Variants in SYF2 observed in about 807,000 individuals in gnomAD.
The protein encoded by SYF2 is pre-mRNA-splicing factor SYF2.
In SYF2, 21 loss-of-function variants were observed where a neutral mutation model predicts 32.7. That is an observed-to-expected ratio of 0.64 (90% CI 0.45 to 0.92). The LOEUF (loss-of-function observed/expected upper bound fraction) is 0.92. Among genes scored for constraint, SYF2 ranks in the 40% least tolerant of loss-of-function variants. SYF2 has a pLI of 0.00. For missense variants in SYF2, 278 were observed against 296.5 expected (o/e 0.94, Z 0.46); for synonymous variants, 114 against 103.9 (o/e 1.10, Z -0.59).
Position 25,232,366 on chromosome 1 carries a change from T to C in SYF2, c.24+78A>G, listed in dbSNP as rs973977591. ...GAGCCTCCCTGAAGCGAAACTAGAC[T>C]TCGCCTCCACCTCTCTCCAGGCCGC... On this transcript the variant is annotated intron_variant, in intron 1 of 6. Coordinates refer to ENST00000236273, the MANE Select transcript of SYF2 (RefSeq NM_015484.5). 1.6e-5 allele frequency: 26 copies of C among 1,611,634 alleles called. No individual in the cohort carries two copies. The South Asian group carries it at 2.9e-4, about 18-fold the overall frequency.
chr1:25,227,435 G>C lies in SYF2; in HGVS notation c.467+7C>G. On this transcript the variant is annotated splice_region_variant and intron_variant, in intron 5 of 6. Transcript: ENST00000236273. The stretch of plus-strand genomic sequence containing the variant: ...TCCACATCACCTCAGGTTGAAAAAG[G>C]ACTTACTGTTTTTCTCTCAGTCTCT... The C allele has an allele frequency of 6.2e-7, 1 of 1,611,152 alleles. No individual in the cohort carries two copies. The highest frequency in any genetic ancestry group is 8.5e-7 in the Non-Finnish European group (1 of 1,178,460).
Position 25,224,995 on chromosome 1 carries a change from T to C in SYF2, c.566+7A>G, listed in dbSNP as rs570354376. On this transcript the variant is annotated splice_region_variant and intron_variant, in intron 6 of 6. Transcript: ENST00000236273. ...TACAACGTCAAGCTGCTCTACTGAA[T>C]ACTTACTGTTTTTCCAGATCTATGA... 1 of 1,600,946 alleles carries C rather than the reference T, an allele frequency of 6.2e-7. No individual in the cohort carries two copies. Among genetic ancestry groups the C allele is most frequent in the African/African-American group, 1.3e-5 (1 of 74,766 alleles).
At chr1:25,229,741 C>CTACA in intron 2 of SYF2, among the ~76,000 whole-genome samples, 1 of 149,624 alleles carries the variant, frequency 6.7e-6, no homozygotes, top group South Asian at 2.1e-4. Context: ...CACTACTGCA[C>CTACA]TACAGCCTGG....
Position 25,228,227 on chromosome 1 carries a change from C to T in SYF2, c.267G>A (p.Ala89=), listed in dbSNP as rs755566111. The T allele has an allele frequency of 2.5e-6, 4 of 1,611,794 alleles. No individual in the cohort carries two copies. Among genetic ancestry groups the T allele is most frequent in the Admixed American group, 3.3e-5 (2 of 59,836 alleles). The change falls in exon 4 of 7, where the codon GCG becomes GCA. Residue 89 remains alanine, a synonymous_variant. Transcript: ENST00000236273. Reference sequence around the variant, plus strand: ...CTTTCTCATAGTCTTCTCCTCTTGCCGCACATTCCTAAAAAGAAGAAAAAA... The same window carrying T: ...CTTTCTCATAGTCTTCTCCTCTTGCTGCACATTCCTAAAAAGAAGAAAAAA... ...LKEEEKKKEC[A]ARGEDYEKVK... is the part of the protein sequence containing the mutation.
intron 1 of SYF2, 75 bp downstream of exon 1, chr1:25,232,369 G>C: frequency 6.2e-7 from 1 of 1,610,540 alleles, no homozygotes. Flanking sequence ...ACTAGACTTC[G>C]CCTCCACCTC....
rs759196804 is a variant in SYF2 at position 25,232,187 on chromosome 1, C to G, written c.49G>C (p.Gly17Arg). 1 of 1,613,826 alleles carries G rather than the reference C, an allele frequency of 6.2e-7. No homozygotes were observed. The highest frequency in any genetic ancestry group is 8.5e-7 in the Non-Finnish European group (1 of 1,179,994). The change falls in exon 2 of 7, where the codon GGG becomes CGG. Residue 17 changes from glycine to arginine, a missense_variant. Physicochemically the swap from Gly to Arg is moderately radical, Grantham distance 125. Transcript: ENST00000236273. ...AGCTCCGCCGCCGCAGCGAGGGACC[C>G]CTCCTCCGCGCTGTCCACCAGCACC... is the stretch of plus-strand genomic sequence containing the variant. ...SEVLVDSAEE[G>R]SLAAAAELAA...
Position 25,228,984 on chromosome 1 carries a change from G to T in SYF2, c.258+14C>A. The stretch of plus-strand genomic sequence containing the variant: ...ATTGACTAAATCACTTATGAAGATA[G>T]AATAGTTCCTAACCTTTTTCTTTTC... On this transcript the variant is annotated intron_variant, in intron 3 of 6. Coordinates refer to ENST00000236273, the MANE Select transcript of SYF2 (RefSeq NM_015484.5). 6.2e-7 allele frequency: 1 copy of T among 1,610,160 alleles called. No individual in the cohort carries two copies. Among genetic ancestry groups the T allele is most frequent in the Non-Finnish European group, 8.5e-7 (1 of 1,178,960 alleles).
rs113760923 is a variant in SYF2 at position 25,228,498 on chromosome 1, C to T, written c.259-263G>A. On this transcript the variant is annotated intron_variant, in intron 3 of 6. Coordinates refer to ENST00000236273, the MANE Select transcript of SYF2 (RefSeq NM_015484.5). ...TACAGGCACATGCCACCATGCCCGG[C>T]TAATTTTTGTATTTTTAGTAGAGAT... 5.0e-3 allele frequency among the ~76,000 whole-genome samples: 759 copies of T among 152,232 alleles called. 7 individuals carry two copies. The highest frequency in any genetic ancestry group is 0.017 in the African/African-American group (720 of 41,530).
At chr1:25,225,880 G>A (rs962198438) in intron 5 of SYF2, among the ~76,000 whole-genome samples, 2 of 150,342 alleles carry the variant, frequency 1.3e-5, no homozygotes, top group African/African-American at 4.9e-5. Context: ...ATAGGGCCAT[G>A]TGCAGTGGCT....
At chr1:25,232,239 A>C in intron 1 of SYF2, 28 bp from the exon 2 acceptor site, 1 of 1,603,758 alleles carries the variant, frequency 6.2e-7, no homozygotes, top group Non-Finnish European at 8.5e-7. Flanking sequence ...GGCTTCAGGC[A>C]GAGCCGGCTC....
At chr1:25,226,757 G>A (rs374715529) in intron 5 of SYF2, among the ~76,000 whole-genome samples, 2 of 152,298 alleles carry the variant, frequency 1.3e-5, no homozygotes, top group South Asian at 4.1e-4. Context: ...GGCCAAGGAT[G>A]GAGGATCACT....
intron 3 of SYF2, 80 bp from the exon 4 acceptor site, chr1:25,228,315 AT>A: frequency 8.4e-7 from 1 of 1,185,914 alleles, no homozygotes; most frequent in Non-Finnish European, 1.2e-6. Context: ...GAAAGATCCA[AT>A]AAATATCAAC....
intron 5 of SYF2, 147 bp from the exon 6 acceptor site, chr1:25,225,247 G>A: frequency 1.6e-6 from 1 of 627,400 alleles, no homozygotes; most frequent in East Asian, 2.8e-5. Context: ...AAACATACAG[G>A]CTGGGTGCAG....
At chr1:25,230,332 G>A (rs1293585863) in intron 2 of SYF2, 1 of 151,666 alleles carries the variant, frequency 6.6e-6, no homozygotes, top group Non-Finnish European at 1.5e-5. Context: ...AGGGAGAAGA[G>A]TCTATTTTTA....
At position 25,232,451 on chromosome 1, in the gene SYF2, G is replaced by A. The variant is rs777375170; in HGVS notation, c.17C>T (p.Ala6Val). The A allele has an allele frequency of 1.1e-5, 17 of 1,614,090 alleles. No individual in the cohort carries two copies. The highest frequency in any genetic ancestry group is 2.7e-5 in the African/African-American group (2 of 74,928). MAAIA[A>V]SEVLVDSAEE... ...ACGGTGGGTGGAACTCACCTCGGAT[G>A]CAGCTATAGCCGCCATCACAACCTT... is the stretch of plus-strand genomic sequence containing the variant. Residue 6 changes from alanine to valine, a missense_variant, in exon 1 of 7, where the codon GCA becomes GTA. By Grantham distance (64) the Ala-to-Val change is moderately conservative. Transcript: ENST00000236273.
In SYF2 at chr1:25,224,348, T is replaced by G. The variant is rs1638465825; in HGVS notation, c.566+654A>C. Among the ~76,000 whole-genome samples the G allele has an allele frequency of 3.3e-5, 5 of 152,112 alleles. No individual in the cohort carries two copies. The South Asian group carries it at 1.0e-3, about 32-fold the overall frequency. On this transcript the variant is annotated intron_variant, in intron 6 of 6. Coordinates refer to ENST00000236273, the MANE Select transcript of SYF2 (RefSeq NM_015484.5). Reference sequence around the variant, plus strand: ...ACAGTTCACTGCACCCTCCACTTCTTGGACTCAAGTGATCCTCCTGACTGA... The same window carrying G: ...ACAGTTCACTGCACCCTCCACTTCTGGGACTCAAGTGATCCTCCTGACTGA...
chr1:25,228,061 C>T, intron 4 of SYF2, 57 bp downstream of exon 4: 1 of 1,422,144 alleles, frequency 7.0e-7, no homozygotes, highest in Non-Finnish European at 9.9e-7. Flanking sequence ...AAACCAGAAA[C>T]AATGAAGGAA....
chr1:25,224,788 T>C (rs1638473537), intron 6 of SYF2, among the ~76,000 whole-genome samples: 1 of 152,198 alleles, frequency 6.6e-6, no homozygotes, highest in African/African-American at 2.4e-5. Flanking sequence ...TTCAGTTTCA[T>C]CAACATTCTT....
chr1:25,226,441 C>T (rs1455775373), intron 5 of SYF2, among the ~76,000 whole-genome samples: 1 of 152,250 alleles, frequency 6.6e-6, no homozygotes, highest in Non-Finnish European at 1.5e-5. Context: ...ACTGCAGCAG[C>T]ACAGCTGAAT....
Sources: allele counts gnomAD v4.1 joint callset (sites outside exome capture counted in the v4.1 genomes callset), GRCh38; gene constraint gnomAD v4.1.1; transcripts MANE v1.5; gene names NCBI Gene and HGNC (gene_info 2026-07-23, HGNC 2026-07-21).